The following DOCK3 variants were observed in gnomAD, a reference collection of about 807,000 sequenced individuals.
DOCK3 encodes the protein dedicator of cytokinesis 3.
DOCK3 carries 60 observed loss-of-function variants against 265.6 expected under a neutral mutation model. The ratio of observed to expected loss-of-function variants is 0.23; its 90% CI spans 0.18 to 0.28. The LOEUF is 0.28. Ranked by LOEUF, DOCK3 falls within the 10% of genes least tolerant of loss-of-function variation. The pLI, the probability that DOCK3 is intolerant of heterozygous loss-of-function variation, is 1.00. For synonymous variants in DOCK3, 881 were observed against 938.0 expected (o/e 0.94, Z 1.11); for missense variants, 1,981 against 2,594.3 (o/e 0.76, Z 5.14).
At chr3:51,346,730 A>G (rs767451896) in intron 38 of DOCK3, among the ~76,000 whole-genome samples, 18 of 152,264 alleles carry the variant, frequency 1.2e-4, no homozygotes, top group Non-Finnish European at 2.1e-4. Flanking sequence ...TTCCACAATC[A>G]TTGAACTAGT....
intron 9 of DOCK3, among the ~76,000 whole-genome samples, chr3:51,095,573 G>T (rs1236447463): frequency 1.3e-5 from 2 of 152,010 alleles, no homozygotes; most frequent in African/African-American, 2.4e-5. Flanking sequence ...CAACTTGATG[G>T]TGGAATTTGC....
chr3:50,797,237 G>A (rs1187123276), intron 2 of DOCK3, among the ~76,000 whole-genome samples: 3 of 152,244 alleles, frequency 2.0e-5, no homozygotes. Context: ...GCAAATGGTT[G>A]TGCTGGTGGT....
At chr3:50,888,719 T>C (rs1553694610) in intron 3 of DOCK3, among the ~76,000 whole-genome samples, 46,602 of 151,660 alleles carry the variant, frequency 0.31, 9,274 homozygotes, top group Non-Finnish European at 0.42. Context: ...TATCTACAAC[T>C]ATCTGATCTT....
At chr3:50,959,823 G>A (rs2076838823) in intron 5 of DOCK3, among the ~76,000 whole-genome samples, 1 of 151,924 alleles carries the variant, frequency 6.6e-6, no homozygotes, top group African/African-American at 2.4e-5. Flanking sequence ...CTCGTGATCT[G>A]CCCACCTCGG....
At chr3:50,936,950 A>G (rs2051396567) in intron 5 of DOCK3, among the ~76,000 whole-genome samples, 2 of 152,196 alleles carry the variant, frequency 1.3e-5, no homozygotes, top group Admixed American at 1.3e-4. Flanking sequence ...TATAATGTTG[A>G]TACAGTTCTC....
Position 50,753,937 on chromosome 3 carries a change from C to T in DOCK3, c.38-24738C>T, listed in dbSNP as rs549817642. On this transcript the variant is annotated intron_variant, in intron 1 of 52. Transcript: ENST00000266037. ...TTGGGAGGCCGAGGCAAGTGGGTCACCTGGGGTCAGGAGTTTGAGACCAGC... is the reference window on the plus strand; with the variant it reads ...TTGGGAGGCCGAGGCAAGTGGGTCATCTGGGGTCAGGAGTTTGAGACCAGC... 3.9e-5 allele frequency among the ~76,000 whole-genome samples: 6 copies of T among 152,064 alleles called. No individual in the cohort carries two copies. In the East Asian group the frequency reaches 1.2e-3, roughly 30 times the overall value.
chr3:50,741,260 GTC>G (rs766787979), intron 1 of DOCK3, among the ~76,000 whole-genome samples: 62 of 85,716 alleles, frequency 7.2e-4, no homozygotes, highest in Middle Eastern at 5.5e-3. Flanking sequence ...ATCTGTTTCA[GTC>G]TCTGTTTTTT....
At chr3:51,282,078 G>A (rs113585664) in intron 27 of DOCK3, among the ~76,000 whole-genome samples, 41 of 152,254 alleles carry the variant, frequency 2.7e-4, no homozygotes, top group African/African-American at 9.4e-4. Flanking sequence ...GGCTGGAACG[G>A]GACCTCACAT....
intron 17 of DOCK3, 146 bp from the exon 18 acceptor site, chr3:51,228,515 A>G: frequency 1.1e-6 from 1 of 886,704 alleles, no homozygotes; most frequent in Non-Finnish European, 1.7e-6. Flanking sequence ...GAGTTTCTGA[A>G]CAGAAAGTAC....
chr3:50,828,833 C>T (rs1383483724), intron 2 of DOCK3, among the ~76,000 whole-genome samples: 1 of 152,132 alleles, frequency 6.6e-6, no homozygotes, highest in Non-Finnish European at 1.5e-5. Context: ...CCTGCCTCAG[C>T]CTCCTGAGTA....
At chr3:50,866,569 G>A (rs983813643) in intron 3 of DOCK3, among the ~76,000 whole-genome samples, 6 of 151,784 alleles carry the variant, frequency 4.0e-5, no homozygotes, top group Non-Finnish European at 1.5e-5. Flanking sequence ...GTAGTTTGAG[G>A]GTATATGCAA....
At chr3:50,900,988 C>T (rs2107810637) in intron 4 of DOCK3, 1 of 406,852 alleles carries the variant, frequency 2.5e-6, no homozygotes, top group Non-Finnish European at 4.8e-6. Context: ...TATCCCTTAG[C>T]AGAGCTTGAG....
At chr3:51,170,061 C>G (rs1230999667) in intron 12 of DOCK3, among the ~76,000 whole-genome samples, 1 of 151,994 alleles carries the variant, frequency 6.6e-6, no homozygotes, top group Non-Finnish European at 1.5e-5. Context: ...ATATGATTCT[C>G]AAAAGAAAAT....
chr3:51,089,330 C>T (rs921004916), intron 8 of DOCK3, 46 bp downstream of exon 8: 2 of 1,582,448 alleles, frequency 1.3e-6, no homozygotes, highest in African/African-American at 2.7e-5. Flanking sequence ...TCAACTTTTT[C>T]TGTTAAGAGA....
intron 14 of DOCK3, among the ~76,000 whole-genome samples, chr3:51,216,266 C>G (rs1393248887): frequency 1.3e-5 from 2 of 152,206 alleles, no homozygotes; most frequent in African/African-American, 4.8e-5. Context: ...GTTACATTGT[C>G]AAAACCTCAT....
At chr3:50,788,315 C>A in intron 2 of DOCK3, 1 of 323,616 alleles carries the variant, frequency 3.1e-6, no homozygotes, top group Non-Finnish European at 5.5e-6. Flanking sequence ...TTAAGCAGTT[C>A]AGACTGTAAA....
At chr3:51,350,890 A>G (rs2085933168) in intron 40 of DOCK3, among the ~76,000 whole-genome samples, 1 of 152,206 alleles carries the variant, frequency 6.6e-6, no homozygotes, top group Non-Finnish European at 1.5e-5. Context: ...AGAACACAGC[A>G]TGTGGCTCCT....
intron 9 of DOCK3, among the ~76,000 whole-genome samples, chr3:51,145,668 GTTC>G (rs922404064): frequency 5.3e-5 from 8 of 152,148 alleles, no homozygotes; most frequent in Admixed American, 1.3e-4. Context: ...GCCCAAGACA[GTTC>G]TTCTTCTTCC....
At chr3:50,975,337 G>A (rs1169662144) in intron 5 of DOCK3, among the ~76,000 whole-genome samples, 1 of 151,020 alleles carries the variant, frequency 6.6e-6, no homozygotes, top group East Asian at 1.9e-4. Context: ...TTTATTGAGA[G>A]TTTTTAGCAT....
Sources: allele counts gnomAD v4.1 joint callset (sites outside exome capture counted in the v4.1 genomes callset), GRCh38; gene constraint gnomAD v4.1.1; transcripts MANE v1.5; gene names NCBI Gene and HGNC (gene_info 2026-07-23, HGNC 2026-07-21).